The following GGH variants were observed in gnomAD, a reference collection of about 807,000 sequenced individuals.
GGH encodes the protein gamma-Glu-X carboxypeptidase.
In GGH, 18 loss-of-function variants were observed where a neutral mutation model predicts 39.2. That is an observed-to-expected ratio of 0.46 (90% CI 0.32 to 0.68). GGH has a LOEUF of 0.68. Among genes scored for constraint, GGH ranks in the 30% least tolerant of loss-of-function variants. The pLI, the probability that GGH is intolerant of heterozygous loss-of-function variation, is 0.04. For missense variants in GGH, 367 were observed against 384.1 expected, an observed-to-expected ratio of 0.96 and a Z score of 0.37; for synonymous variants, 147 against 138.8, an observed-to-expected ratio of 1.06 and a Z score of -0.42.
In GGH at chr8:63,038,752, C is replaced by G; in HGVS notation, c.17G>C (p.Cys6Ser). 1 of 1,572,370 alleles carries G rather than the reference C, an allele frequency of 6.4e-7. No individual in the cohort carries two copies. The highest frequency in any genetic ancestry group is 1.2e-5 in the South Asian group (1 of 86,090). ...TAGCAGGCCCAGCACGCACAGCAGG[C>G]AGCCCGGACTGGCCATGGCGCTCGC... is the stretch of plus-strand genomic sequence containing the variant. MASPG[C>S]LLCVLGLLLC... is the part of the protein sequence containing the mutation. The change falls in exon 1 of 9, where the codon TGC becomes TCC. Residue 6 changes from cysteine (C) to serine (S), a missense_variant. Cys to Ser is a moderately radical substitution (Grantham distance 112, BLOSUM62 -1). Transcript: ENST00000260118.
intron 7 of GGH, among the ~76,000 whole-genome samples, chr8:63,022,719 G>A (rs966336667): frequency 2.0e-5 from 3 of 151,262 alleles, no homozygotes; most frequent in African/African-American, 7.3e-5. Context: ...GTAGAGATGG[G>A]GTTTCACCAT....
In GGH at chr8:63,038,765, C is replaced by G. The variant is rs1205167771; in HGVS notation, c.4G>C (p.Ala2Pro). M[A>P]SPGCLLCVLG... Reference sequence around the variant, plus strand: ...ACGCACAGCAGGCAGCCCGGACTGGCCATGGCGCTCGCCGCCTCCCGCCGC... The same window carrying G: ...ACGCACAGCAGGCAGCCCGGACTGGGCATGGCGCTCGCCGCCTCCCGCCGC... The change falls in exon 1 of 9, where the codon GCC (alanine) becomes CCC (proline). Residue 2 changes from alanine (A) to proline (P), a missense_variant. Ala to Pro is a conservative substitution (Grantham distance 27, BLOSUM62 -1). Coordinates refer to ENST00000260118, the MANE Select transcript of GGH (RefSeq NM_003878.3). 6 of 1,533,776 alleles carry G rather than the reference C, an allele frequency of 3.9e-6. No individual in the cohort carries two copies. The East Asian group carries it at 1.2e-4, about 31-fold the overall frequency.
rs116121291 is a variant in GGH at position 63,030,258 on chromosome 8, G to C, written c.225-41C>G. ...GTTATTGTTACATTTGTGAAACTTA[G>C]AAGTAAACCTCTAAATGAAGTCTCC... On this transcript the variant is annotated intron_variant, in intron 2 of 8. Coordinates refer to ENST00000260118, the MANE Select transcript of GGH (RefSeq NM_003878.3). 4.2e-4 allele frequency: 400 copies of C among 948,978 alleles called. 1 individual carries two copies. In the African/African-American group the frequency reaches 5.6e-3, roughly 13 times the overall value. 58.8% of individuals were successfully genotyped at this position (948,978 alleles called of 1,614,324 possible). A position where few individuals can be genotyped will look rare whatever the true frequency, so the allele number is the denominator to read the frequency against.
Position 63,024,479 on chromosome 8 carries a change from C to T in GGH, c.500-293G>A, listed in dbSNP as rs139790053. ...CTAAAGAACAGGCAGGGAATCTTAACTAGATTTCCACAGACTATTCTGAAA... is the reference window on the plus strand; with the variant it reads ...CTAAAGAACAGGCAGGGAATCTTAATTAGATTTCCACAGACTATTCTGAAA... On this transcript the variant is annotated intron_variant, in intron 5 of 8. Coordinates refer to ENST00000260118, the MANE Select transcript of GGH (RefSeq NM_003878.3). The T allele has an allele frequency of 6.8e-4, 172 of 253,744 alleles. 3 individuals carry two copies. In the East Asian group the frequency reaches 0.011, roughly 16 times the overall value. 15.7% of individuals were successfully genotyped at this position (253,744 alleles called of 1,614,324 possible).
At chr8:63,017,175 A>G (rs1403049141) in intron 8 of GGH, among the ~76,000 whole-genome samples, 1 of 152,130 alleles carries the variant, frequency 6.6e-6, no homozygotes, top group Non-Finnish European at 1.5e-5. Flanking sequence ...TGGGCGACAG[A>G]GCAAGATCCT....
intron 8 of GGH, among the ~76,000 whole-genome samples, chr8:63,016,624 A>T (rs572332954): frequency 1.1e-4 from 17 of 152,366 alleles, no homozygotes; most frequent in African/African-American, 3.4e-4. Context: ...ACGATGTATA[A>T]CAAAACCAAT....
In GGH at chr8:63,026,141, G is replaced by A. The variant is rs1423886462; in HGVS notation, c.499+17C>T. On this transcript the variant is annotated intron_variant, in intron 5 of 8. Coordinates refer to ENST00000260118, the MANE Select transcript of GGH (RefSeq NM_003878.3). ...CCCAGCAAATATTTTTCAAAGGGTT[G>A]AAAAGAGTACTCTTACCTCCAGTGA... 1 of 1,562,718 alleles carries A rather than the reference G, an allele frequency of 6.4e-7. No homozygotes were observed. Among genetic ancestry groups the A allele is most frequent in the South Asian group, 1.2e-5 (1 of 82,238 alleles).
At chr8:63,033,991 A>G in intron 2 of GGH, among the ~76,000 whole-genome samples, 1 of 146,338 alleles carries the variant, frequency 6.8e-6, no homozygotes. Flanking sequence ...CCTTATATAT[A>G]TATATATATG....
intron 3 of GGH, among the ~76,000 whole-genome samples, chr8:63,028,869 G>A (rs1445584521): frequency 6.6e-6 from 1 of 152,102 alleles, no homozygotes; most frequent in Non-Finnish European, 1.5e-5. Context: ...GGAGAGGGTG[G>A]GAAGAAAATG....
intron 1 of GGH, among the ~76,000 whole-genome samples, chr8:63,037,428 C>G (rs905880711): frequency 5.3e-5 from 8 of 152,108 alleles, no homozygotes; most frequent in African/African-American, 1.4e-4. Context: ...TGGGCCCACG[C>G]ATATTCACTT....
In GGH at chr8:63,038,794, T is replaced by G; in HGVS notation, c.-26A>C. ...GGCGCTCGCCGCCTCCCGCCGCCTT[T>G]CAAAAGCTCTGCGGGCGGGCGGGGG... On this transcript the variant is annotated 5_prime_UTR_variant, in exon 1 of 9. Coordinates refer to ENST00000260118, the MANE Select transcript of GGH (RefSeq NM_003878.3). 1.4e-6 allele frequency: 2 copies of G among 1,409,512 alleles called. No individual in the cohort carries two copies. The highest frequency in any genetic ancestry group is 9.5e-7 in the Non-Finnish European group (1 of 1,049,998). 87.3% of individuals were successfully genotyped at this position (1,409,512 alleles called of 1,614,324 possible). A position where few individuals can be genotyped will look rare whatever the true frequency, so the allele number is the denominator to read the frequency against.
At chr8:63,032,465 T>G (rs1224376517) in intron 2 of GGH, among the ~76,000 whole-genome samples, 1 of 152,130 alleles carries the variant, frequency 6.6e-6, no homozygotes, top group Non-Finnish European at 1.5e-5. Context: ...CATTGGGCAT[T>G]TATGACAACC....
At chr8:63,018,472 A>C (rs143728657) in intron 7 of GGH, among the ~76,000 whole-genome samples, 75 of 152,332 alleles carry the variant, frequency 4.9e-4, no homozygotes, top group African/African-American at 1.7e-3. Context: ...GAAAGAAGAG[A>C]TATCTAGGGG....
chr8:63,020,098 C>T (rs548170034), intron 7 of GGH, among the ~76,000 whole-genome samples: 1 of 152,226 alleles, frequency 6.6e-6, no homozygotes, highest in South Asian at 2.1e-4. Context: ...TTTGAAGTCA[C>T]TGACATTCAG....
intron 8 of GGH, among the ~76,000 whole-genome samples, chr8:63,016,629 A>G (rs1804492038): frequency 6.6e-6 from 1 of 152,324 alleles, no homozygotes; most frequent in Admixed American, 6.5e-5. Context: ...GTATAACAAA[A>G]CCAATTTTTT....
intron 7 of GGH, among the ~76,000 whole-genome samples, chr8:63,019,423 A>G (rs980744058): frequency 6.6e-6 from 1 of 152,212 alleles, no homozygotes. Context: ...AGAGCTTTCA[A>G]TGGACATTTT....
intron 3 of GGH, 179 bp downstream of exon 3, chr8:63,029,988 T>C (rs946887277): frequency 7.1e-6 from 3 of 420,956 alleles, no homozygotes; most frequent in Non-Finnish European, 1.3e-5. Context: ...TCTTCCTCTT[T>C]TGAAGGACTT....
At chr8:63,037,242 T>G (rs1804926478) in intron 1 of GGH, among the ~76,000 whole-genome samples, 1 of 152,094 alleles carries the variant, frequency 6.6e-6, no homozygotes, top group Non-Finnish European at 1.5e-5. Flanking sequence ...TCATCTTCAC[T>G]AAGGAATAAC....
At chr8:63,034,215 G>A (rs1034996183) in intron 2 of GGH, among the ~76,000 whole-genome samples, 10 of 151,472 alleles carry the variant, frequency 6.6e-5, no homozygotes, top group South Asian at 6.2e-4. Context: ...ATAAAATTTC[G>A]TTTGAAAAAT....
Sources: gnomAD v4.1 joint callset for allele counts (sites outside exome capture counted in the v4.1 genomes callset) on GRCh38, gnomAD v4.1.1 for gene constraint, MANE v1.5 for transcripts, NCBI Gene and HGNC (gene_info 2026-07-23, HGNC 2026-07-21) for gene names.